Variants in MAP1LC3B observed in about 807,000 individuals in gnomAD.
The protein encoded by MAP1LC3B is microtubule associated protein 1 light chain 3 beta.
Under a neutral mutation model 16.7 loss-of-function variants are expected in MAP1LC3B, and 12 were observed. That is an observed-to-expected ratio of 0.72 (90% CI 0.46 to 1.16). MAP1LC3B has a LOEUF of 1.16. MAP1LC3B is among the 50% of genes most tolerant of loss of function. The pLI, the probability that MAP1LC3B is intolerant of heterozygous loss-of-function variation, is 0.00. For synonymous variants in MAP1LC3B, 63 were observed against 56.5 expected (o/e 1.11, Z -0.51); for missense variants, 155 against 159.5 (o/e 0.97, Z 0.15).
rs1411620006 is a variant in MAP1LC3B, at chr16:87,392,346, TC to T, written c.-81del. The T allele has an allele frequency of 1.1e-5, 15 of 1,321,186 alleles. No individual in the cohort carries two copies. In the East Asian group the frequency reaches 4.1e-4, roughly 36 times the overall value. The allele number at this position is 1,321,186 out of a possible 1,614,324, so 81.8% of individuals were successfully genotyped here. A position where few individuals can be genotyped will look rare whatever the true frequency, so the allele number is the denominator to read the frequency against. On this transcript the variant is annotated 5_prime_UTR_variant, in exon 1 of 4. Transcript: ENST00000268607. ...GAAGTGGCTATCGCCAGAGTCGGAT[TC>T]GCCGCCGCAGCAGCCGCCGCCCCCG...
intron 1 of MAP1LC3B, chr16:87,393,029 G>A (rs1907657823): frequency 6.6e-6 from 1 of 152,314 alleles, no homozygotes; most frequent in Admixed American, 6.5e-5. Flanking sequence ...GGAGGGGAAT[G>A]TGCTGGGCCC....
At chr16:87,398,219 G>A (rs983829219) in intron 1 of MAP1LC3B, among the ~76,000 whole-genome samples, 2 of 152,036 alleles carry the variant, frequency 1.3e-5, no homozygotes, top group Non-Finnish European at 2.9e-5. Flanking sequence ...GACGGGACAG[G>A]GTTTCACCAT....
intron 1 of MAP1LC3B, among the ~76,000 whole-genome samples, chr16:87,395,971 C>T (rs184662198): frequency 2.9e-3 from 434 of 147,284 alleles, no homozygotes; most frequent in African/African-American, 0.01. Context: ...AGTGATTCTC[C>T]TGCCTTAGCC....
In MAP1LC3B at chr16:87,404,639, A is replaced by G. The variant is rs921185909; in HGVS notation, c.*1542A>G. The G allele has an allele frequency of 1.4e-4, 22 of 152,236 alleles. No homozygotes were observed. Among genetic ancestry groups the G allele is most frequent in the African/African-American group, 5.3e-4 (22 of 41,468 alleles). The allele number at this position is 152,236 out of a possible 1,614,324, so 9.4% of individuals were successfully genotyped here. ...GTGTGATCAGTAAGATTCCTGTAAG[A>G]AATACTGCTTTTTAAGAAAAAAAAT... is the stretch of plus-strand genomic sequence containing the variant. On this transcript the variant is annotated 3_prime_UTR_variant, in exon 4 of 4. Coordinates refer to ENST00000268607, the MANE Select transcript of MAP1LC3B (RefSeq NM_022818.5).
chr16:87,403,416 A>C lies in MAP1LC3B; in HGVS notation c.*319A>C, dbSNP rs1908066439. 1 of 208,328 alleles carries C rather than the reference A, an allele frequency of 4.8e-6. No homozygotes were observed. 12.9% of individuals were successfully genotyped at this position (208,328 alleles called of 1,614,324 possible). ...CAAGTTATTTTAATGCTCTTTTCTC[A>C]CTAATAGGAACTTGTAATTCCAGCA... On this transcript the variant is annotated 3_prime_UTR_variant, in exon 4 of 4. Transcript: ENST00000268607.
chr16:87,394,276 A>G (rs561657990), intron 1 of MAP1LC3B, among the ~76,000 whole-genome samples: 3 of 45,976 alleles, frequency 6.5e-5, no homozygotes, highest in Non-Finnish European at 4.8e-4. Flanking sequence ...TGATTTTGGT[A>G]ATTAAAAAAA....
intron 2 of MAP1LC3B, chr16:87,399,574 C>A: frequency 2.2e-6 from 1 of 449,636 alleles, no homozygotes; most frequent in South Asian, 1.6e-5. Context: ...ATTCCTGCCA[C>A]TCAACTTCTC....
rs1908060846 is a variant in MAP1LC3B, at chr16:87,403,228, T to C, written c.*131T>C. 9.0e-7 allele frequency: 1 copy of C among 1,109,186 alleles called. No individual in the cohort carries two copies. The highest frequency in any genetic ancestry group is 1.6e-5 in the African/African-American group (1 of 61,114). The allele number at this position is 1,109,186 out of a possible 1,614,324, so 68.7% of individuals were successfully genotyped here. On this transcript the variant is annotated 3_prime_UTR_variant, in exon 4 of 4. Transcript: ENST00000268607. ...AAACAGTAGTGTTCCCACCTAGGAG[T>C]GTTAGGAAGTTGTGTTTGTGTTTCA...
At chr16:87,394,000 C>A (rs768830478) in intron 1 of MAP1LC3B, among the ~76,000 whole-genome samples, 1 of 152,084 alleles carries the variant, frequency 6.6e-6, no homozygotes, top group African/African-American at 2.4e-5. Flanking sequence ...AAAGTCTCTG[C>A]GAAGAGTGGG....
chr16:87,396,001 CG>C (rs1567498984), intron 1 of MAP1LC3B, among the ~76,000 whole-genome samples: 9 of 151,260 alleles, frequency 6.0e-5, no homozygotes. Flanking sequence ...GCTGGGATTA[CG>C]GGTGCCCGCC....
In MAP1LC3B at chr16:87,392,354, G is replaced by T. The variant is rs1228211657; in HGVS notation, c.-74G>T. 1 of 1,343,744 alleles carries T rather than the reference G, an allele frequency of 7.4e-7. No individual in the cohort carries two copies. The highest frequency in any genetic ancestry group is 9.5e-7 in the Non-Finnish European group (1 of 1,047,648). 83.2% of individuals were successfully genotyped at this position (1,343,744 alleles called of 1,614,324 possible). ...TATCGCCAGAGTCGGATTCGCCGCC[G>T]CAGCAGCCGCCGCCCCCGGGAGCCG... On this transcript the variant is annotated 5_prime_UTR_variant, in exon 1 of 4. Transcript: ENST00000268607.
intron 1 of MAP1LC3B, among the ~76,000 whole-genome samples, chr16:87,395,104 A>C (rs926396600): frequency 6.6e-6 from 1 of 152,220 alleles, no homozygotes; most frequent in African/African-American, 2.4e-5. Flanking sequence ...AATCCTGGAA[A>C]AACTGAAATT....
Position 87,392,450 on chromosome 16 carries a change from A to G in MAP1LC3B, c.23A>G (p.Lys8Arg). The G allele has an allele frequency of 7.2e-7, 1 of 1,396,822 alleles. No homozygotes were observed. The highest frequency in any genetic ancestry group is 3.7e-5 in the Admixed American group (1 of 27,084). 86.5% of individuals were successfully genotyped at this position (1,396,822 alleles called of 1,614,324 possible). A position where few individuals can be genotyped will look rare whatever the true frequency, so the allele number is the denominator to read the frequency against. MPSEKTF[K>R]QRRTFEQRVE... is the part of the protein sequence containing the mutation. ...ACCATGCCGTCGGAGAAGACCTTCA[A>G]GCAGCGCCGCACCTTCGGTGAGTGT... The change falls in exon 1 of 4, where the codon AAG becomes AGG. Residue 8 changes from lysine to arginine, a missense_variant. By Grantham distance (26) the Lys-to-Arg change is conservative (BLOSUM62 2). Coordinates refer to ENST00000268607, the MANE Select transcript of MAP1LC3B (RefSeq NM_022818.5).
chr16:87,395,827 A>G (rs1250274395), intron 1 of MAP1LC3B, among the ~76,000 whole-genome samples: 1 of 146,760 alleles, frequency 6.8e-6, no homozygotes, highest in Admixed American at 6.8e-5. Context: ...TTGAAACTTC[A>G]TAGAGCCTGT....
chr16:87,401,553 G>T (rs930666073), intron 2 of MAP1LC3B, among the ~76,000 whole-genome samples: 2 of 152,142 alleles, frequency 1.3e-5, no homozygotes, highest in Non-Finnish European at 2.9e-5. Flanking sequence ...TTATTTATTG[G>T]AGACAGTCTA....
At chr16:87,396,403 A>C (rs1301878778) in intron 1 of MAP1LC3B, among the ~76,000 whole-genome samples, 1 of 151,378 alleles carries the variant, frequency 6.6e-6, no homozygotes, top group African/African-American at 2.4e-5. Flanking sequence ...TGAACCTGGG[A>C]GGCGTAGCTT....
At chr16:87,400,562 T>C (rs1907956216) in intron 2 of MAP1LC3B, among the ~76,000 whole-genome samples, 1 of 152,184 alleles carries the variant, frequency 6.6e-6, no homozygotes, top group African/African-American at 2.4e-5. Context: ...AAACTTTGTC[T>C]CTAGAACCAG....
chr16:87,402,906 T>C lies in MAP1LC3B; in HGVS notation c.204-17T>C, dbSNP rs1480672935. On this transcript the variant is annotated splice_polypyrimidine_tract_variant and intron_variant, in intron 3 of 3. Coordinates refer to ENST00000268607, the MANE Select transcript of MAP1LC3B (RefSeq NM_022818.5). Reference sequence around the variant, plus strand: ...GTATTGTTGTCAATATTTCTTCACGTTGTTTTCTTTCAATAGAAGGCGCTT... The same window carrying C: ...GTATTGTTGTCAATATTTCTTCACGCTGTTTTCTTTCAATAGAAGGCGCTT... 18 of 1,613,568 alleles carry C rather than the reference T, an allele frequency of 1.1e-5. No homozygotes were observed. Among genetic ancestry groups the C allele is most frequent in the Non-Finnish European group, 1.4e-5 (17 of 1,179,740 alleles).
At chr16:87,392,497 G>C (rs1907618431) in intron 1 of MAP1LC3B, 30 bp downstream of exon 1, 1 of 1,300,168 alleles carries the variant, frequency 7.7e-7, no homozygotes, top group Non-Finnish European at 9.7e-7. Flanking sequence ...CGGCGGGTGC[G>C]GCGGGGCCGG....
Sources: allele counts gnomAD v4.1 joint callset (sites outside exome capture counted in the v4.1 genomes callset), GRCh38; gene constraint gnomAD v4.1.1; transcripts MANE v1.5; gene names NCBI Gene and HGNC (gene_info 2026-07-23, HGNC 2026-07-21).